Variants in CCDC158 observed in about 807,000 individuals in gnomAD.
CCDC158 encodes coiled-coil domain-containing protein 158.
In CCDC158, 116 loss-of-function variants were observed where a neutral mutation model predicts 138.6. The observed-to-expected ratio is 0.84, with a 90% CI of 0.72 to 0.98. CCDC158 has a LOEUF of 0.98. Ranked by LOEUF, CCDC158 falls within the 50% of genes least tolerant of loss-of-function variation. The pLI, the probability that CCDC158 is intolerant of heterozygous loss-of-function variation, is 0.00. For missense variants in CCDC158, 1,265 were observed against 1,306.1 expected, an observed-to-expected ratio of 0.97 and a Z score of 0.48; for synonymous variants, 436 against 442.4, an observed-to-expected ratio of 0.99 and a Z score of 0.18.
chr4:76,383,648 A>C lies in CCDC158; in HGVS notation c.803+14T>G, dbSNP rs374699604. 1.5e-5 allele frequency: 24 copies of C among 1,596,804 alleles called. No individual in the cohort carries two copies. The African/African-American group carries it at 3.1e-4, about 21-fold the overall frequency. ...GTTTCGCTAGGCTTTTCCATACCTC[A>C]GTCAGAAACCTACCTATCTTGGTGT... On this transcript the variant is annotated intron_variant, in intron 7 of 24. Coordinates refer to ENST00000682701, the MANE Select transcript of CCDC158 (RefSeq NM_001394954.1).
At chr4:76,373,916 G>C (rs1165818323) in intron 9 of CCDC158, among the ~76,000 whole-genome samples, 2 of 152,140 alleles carry the variant, frequency 1.3e-5, no homozygotes, top group Non-Finnish European at 2.9e-5. Context: ...CTTTCCAGGA[G>C]ACTGAGGTGG....
intron 18 of CCDC158, among the ~76,000 whole-genome samples, chr4:76,349,938 G>A (rs947371584): frequency 1.3e-5 from 2 of 152,070 alleles, no homozygotes; most frequent in African/African-American, 2.4e-5. Flanking sequence ...TAACTGACTC[G>A]CCCAAGGTCA....
chr4:76,313,959 A>G (rs2110050365), intron 24 of CCDC158, among the ~76,000 whole-genome samples: 1 of 152,364 alleles, frequency 6.6e-6, no homozygotes, highest in African/African-American at 2.4e-5. Context: ...AACAGACTAA[A>G]AAAGGTTACA....
intron 12 of CCDC158, among the ~76,000 whole-genome samples, chr4:76,366,009 C>T (rs1263848260): frequency 6.6e-6 from 1 of 152,174 alleles, no homozygotes; most frequent in Admixed American, 6.5e-5. Context: ...ATAGTGCCTC[C>T]CTCATAAGGT....
intron 19 of CCDC158, 178 bp downstream of exon 19, chr4:76,333,832 T>A: frequency 2.4e-6 from 1 of 417,258 alleles, no homozygotes; most frequent in East Asian, 3.4e-5. Context: ...TTTCTCTTAG[T>A]GTCAAGTTGT....
rs543876549 is a variant in CCDC158 at position 76,330,343 on chromosome 4, G to C, written c.2942+1001C>G. Reference sequence around the variant, plus strand: ...AAAATAATGTTTCCCTCATACATGAGATTAGACTAATGAGACAAGTCTAAA... The same window carrying C: ...AAAATAATGTTTCCCTCATACATGACATTAGACTAATGAGACAAGTCTAAA... On this transcript the variant is annotated intron_variant, in intron 21 of 24. Coordinates refer to ENST00000682701, the MANE Select transcript of CCDC158 (RefSeq NM_001394954.1). 3.3e-5 allele frequency among the ~76,000 whole-genome samples: 5 copies of C among 152,262 alleles called. 1 individual carries two copies. The South Asian group carries it at 8.3e-4, about 25-fold the overall frequency.
At chr4:76,396,603 C>T (rs1190361923) in intron 3 of CCDC158, 117 bp from the exon 4 acceptor site, 10 of 670,112 alleles carry the variant, frequency 1.5e-5, no homozygotes, top group Admixed American at 8.9e-5. Context: ...CTCTGCCTCC[C>T]GGGTTCAAGC....
At chr4:76,358,837 G>A (rs1020882454) in intron 13 of CCDC158, among the ~76,000 whole-genome samples, 1 of 152,126 alleles carries the variant, frequency 6.6e-6, no homozygotes, top group Non-Finnish European at 1.5e-5. Flanking sequence ...GGGTTTCCAG[G>A]TTCTACCACA....
intron 4 of CCDC158, among the ~76,000 whole-genome samples, chr4:76,394,895 T>C (rs9999137): frequency 0.029 from 4,461 of 152,132 alleles, 215 homozygotes; most frequent in African/African-American, 0.1. Flanking sequence ...TAATCTAGAC[T>C]GAGCAAAAGG....
chr4:76,395,348 A>AT (rs953320878), intron 4 of CCDC158, among the ~76,000 whole-genome samples: 28 of 151,852 alleles, frequency 1.8e-4, no homozygotes, highest in African/African-American at 5.1e-4. Context: ...AAAATTGTAG[A>AT]TTTTTTTTTC....
At position 76,313,314 on chromosome 4, in the gene CCDC158, T is replaced by G. The variant is rs1719065813; in HGVS notation, c.3278-68A>C. 2.2e-5 allele frequency: 20 copies of G among 910,676 alleles called. No homozygotes were observed. In the South Asian group the frequency reaches 2.8e-4, roughly 13 times the overall value. The allele number at this position is 910,676 out of a possible 1,614,324, so 56.4% of individuals were successfully genotyped here. ...AGGCTTTAATTCTACTATGTGCTAC[T>G]TAAAAGATCAGCTTGATAGTATAGA... is the stretch of plus-strand genomic sequence containing the variant. On this transcript the variant is annotated intron_variant, in intron 24 of 24. Coordinates refer to ENST00000682701, the MANE Select transcript of CCDC158 (RefSeq NM_001394954.1).
At chr4:76,416,761 G>A (rs534242204) in intron 1 of CCDC158, among the ~76,000 whole-genome samples, 47 of 152,352 alleles carry the variant, frequency 3.1e-4, no homozygotes, top group African/African-American at 1.0e-3. Flanking sequence ...TGAGGTTTGG[G>A]AACCTCTGCC....
In CCDC158 at chr4:76,417,974, C is replaced by T. The variant is rs534788914; in HGVS notation, c.-117+2991G>A. ...ACTATGTGTCATGCCAAAAGGAACACTGTGCTTATCACTTCCTTTCCTACA... is the reference window on the plus strand; with the variant it reads ...ACTATGTGTCATGCCAAAAGGAACATTGTGCTTATCACTTCCTTTCCTACA... On this transcript the variant is annotated intron_variant, in intron 1 of 24. Coordinates refer to ENST00000682701, the MANE Select transcript of CCDC158 (RefSeq NM_001394954.1). Among the ~76,000 whole-genome samples the T allele has an allele frequency of 3.0e-4, 45 of 152,316 alleles. No individual in the cohort carries two copies. In the South Asian group the frequency reaches 9.1e-3, roughly 31 times the overall value.
chr4:76,369,742 T>A (rs1725060770), intron 10 of CCDC158, 119 bp from the exon 11 acceptor site: 4 of 827,900 alleles, frequency 4.8e-6, no homozygotes, highest in Non-Finnish European at 7.4e-6. Flanking sequence ...GATTTTGGAA[T>A]CTGATTCCTT....
intron 12 of CCDC158, among the ~76,000 whole-genome samples, chr4:76,363,246 A>C (rs1311952753): frequency 6.6e-6 from 1 of 152,204 alleles, no homozygotes; most frequent in African/African-American, 2.4e-5. Context: ...TCTGGTTAGC[A>C]GCACTTGACA....
At chr4:76,388,718 C>G (rs1371139943) in intron 4 of CCDC158, among the ~76,000 whole-genome samples, 2 of 152,134 alleles carry the variant, frequency 1.3e-5, no homozygotes, top group Non-Finnish European at 1.5e-5. Context: ...GACTTCAGGT[C>G]TGACCCATCA....
chr4:76,313,431 ATCTT>A (rs1560769882), intron 24 of CCDC158, among the ~76,000 whole-genome samples, 185 bp from the exon 25 acceptor site: 1 of 152,162 alleles, frequency 6.6e-6, no homozygotes, highest in Non-Finnish European at 1.5e-5. Context: ...CTAAGGGTAA[ATCTT>A]TAGTGTTTCA....
chr4:76,361,124 CTG>C (rs999962341), intron 13 of CCDC158, among the ~76,000 whole-genome samples: 1 of 152,202 alleles, frequency 6.6e-6, no homozygotes, highest in Non-Finnish European at 1.5e-5. Flanking sequence ...TGCTCTCTCT[CTG>C]TCTCTCTCTC....
At chr4:76,327,544 T>C (rs1720638767) in intron 22 of CCDC158, among the ~76,000 whole-genome samples, 1 of 152,180 alleles carries the variant, frequency 6.6e-6, no homozygotes, top group African/African-American at 2.4e-5. Flanking sequence ...TAATGGTAAG[T>C]ATTTATTTAT....
Sources: gnomAD v4.1 joint callset for allele counts (sites outside exome capture counted in the v4.1 genomes callset) on GRCh38, gnomAD v4.1.1 for gene constraint, MANE v1.5 for transcripts, NCBI Gene and HGNC (gene_info 2026-07-23, HGNC 2026-07-21) for gene names.